The following EIF4G3 variants were observed in gnomAD, a reference collection of about 807,000 sequenced individuals.
The protein encoded by EIF4G3 is eIF-4-gamma 3.
A neutral mutation model predicts 186.4 loss-of-function variants in EIF4G3; 34 were observed. That is an observed-to-expected ratio of 0.18 (90% confidence interval 0.14 to 0.24). EIF4G3 has a LOEUF of 0.24. Ranked by LOEUF, EIF4G3 falls within the 10% of genes least tolerant of loss-of-function variation. EIF4G3 has a pLI of 1.00. For missense variants in EIF4G3, 1,536 were observed against 1,948.5 expected (o/e 0.79, Z 3.99); for synonymous variants, 673 against 679.5 (o/e 0.99, Z 0.15).
intron 34 of EIF4G3, among the ~76,000 whole-genome samples, chr1:20,816,492 TGGG>T (rs1254267366): frequency 1.6e-5 from 1 of 61,202 alleles, no homozygotes; most frequent in African/African-American, 6.3e-5. Context: ...GGGAGGGAGG[TGGG>T]GGGGTCAGCC....
chr1:20,996,038 C>T (rs1379850651), intron 7 of EIF4G3, among the ~76,000 whole-genome samples: 3 of 152,174 alleles, frequency 2.0e-5, no homozygotes, highest in Non-Finnish European at 4.4e-5. Flanking sequence ...TTAAGCCATG[C>T]TTCTATGGCA....
At chr1:21,043,860 A>G (rs1242699719) in intron 4 of EIF4G3, among the ~76,000 whole-genome samples, 3 of 150,164 alleles carry the variant, frequency 2.0e-5, no homozygotes, top group Non-Finnish European at 3.0e-5. Flanking sequence ...GACAGAGTGA[A>G]ACCTTGGCGC....
intron 4 of EIF4G3, among the ~76,000 whole-genome samples, chr1:21,021,171 A>G (rs1276626334): frequency 6.6e-6 from 1 of 152,110 alleles, no homozygotes; most frequent in Non-Finnish European, 1.5e-5. Flanking sequence ...TTTAGTAGAC[A>G]CAGTGTTTTG....
chr1:20,962,747 C>A lies in EIF4G3; in HGVS notation c.714+6727G>T, dbSNP rs148968578. 5.2e-3 allele frequency among the ~76,000 whole-genome samples: 785 copies of A among 152,246 alleles called. 7 individuals are homozygous for A. Among genetic ancestry groups the A allele is most frequent in the African/African-American group, 0.018 (754 of 41,546 alleles). On this transcript the variant is annotated intron_variant, in intron 12 of 36. Coordinates refer to ENST00000602326, the MANE Select transcript of EIF4G3 (RefSeq NM_001391906.1). Reference sequence around the variant, plus strand: ...CAATTTACAGGAGAGATGAACTGCTCATCTGGAGATGATTAGTGTCACAGG... The same window carrying A: ...CAATTTACAGGAGAGATGAACTGCTAATCTGGAGATGATTAGTGTCACAGG...
At position 21,001,183 on chromosome 1, in the gene EIF4G3, T is replaced by C. The variant is rs773026599; in HGVS notation, c.144+16A>G. ...CACCACTGCCTGCAAGAAGTACAGT[T>C]TGTTATATTGCTTACAATGCAGTAT... On this transcript the variant is annotated intron_variant, in intron 6 of 36. Coordinates refer to ENST00000602326, the MANE Select transcript of EIF4G3 (RefSeq NM_001391906.1). 2.3e-5 allele frequency: 11 copies of C among 471,384 alleles called. No homozygotes were observed. The highest frequency in any genetic ancestry group is 7.0e-5 in the Admixed American group (3 of 42,572). The allele number at this position is 471,384 out of a possible 1,614,324, so 29.2% of individuals were successfully genotyped here.
chr1:20,905,790 C>T (rs530516917), intron 14 of EIF4G3, among the ~76,000 whole-genome samples: 4 of 152,036 alleles, frequency 2.6e-5, no homozygotes, highest in Non-Finnish European at 5.9e-5. Context: ...GAGTGAGGTA[C>T]TATAGAAGGA....
At chr1:20,963,484 G>A (rs949503545) in intron 12 of EIF4G3, among the ~76,000 whole-genome samples, 2 of 152,066 alleles carry the variant, frequency 1.3e-5, no homozygotes, top group Non-Finnish European at 2.9e-5. Flanking sequence ...CAAATGGTAG[G>A]AGAGATTGTA....
At chr1:20,997,095 A>T (rs2082455173) in intron 7 of EIF4G3, among the ~76,000 whole-genome samples, 1 of 152,224 alleles carries the variant, frequency 6.6e-6, no homozygotes, top group African/African-American at 2.4e-5. Flanking sequence ...TAATAAAAAT[A>T]ATTCTATCCA....
intron 14 of EIF4G3, among the ~76,000 whole-genome samples, chr1:20,934,759 G>A (rs1444879577): frequency 6.6e-6 from 1 of 152,010 alleles, no homozygotes; most frequent in Non-Finnish European, 1.5e-5. Flanking sequence ...CAAGGGTTTT[G>A]ATAGGTATGT....
At chr1:21,016,224 T>G (rs1353463007) in intron 4 of EIF4G3, among the ~76,000 whole-genome samples, 1 of 152,174 alleles carries the variant, frequency 6.6e-6, no homozygotes, top group Non-Finnish European at 1.5e-5. Context: ...TTAAAATACA[T>G]ATTTATAACT....
intron 11 of EIF4G3, among the ~76,000 whole-genome samples, chr1:20,969,953 T>C (rs1009714614): frequency 1.3e-5 from 2 of 152,048 alleles, no homozygotes; most frequent in African/African-American, 2.4e-5. Flanking sequence ...AGTTACTGCA[T>C]AGATAAAAGT....
At chr1:21,083,656 A>G (rs2095865578) in intron 3 of EIF4G3, among the ~76,000 whole-genome samples, 2 of 152,158 alleles carry the variant, frequency 1.3e-5, no homozygotes, top group African/African-American at 2.4e-5. Flanking sequence ...AGGACTACAA[A>G]TATGACAGTA....
chr1:20,847,674 T>C (rs2071611939), intron 29 of EIF4G3: 7 of 395,010 alleles, frequency 1.8e-5, no homozygotes, highest in Non-Finnish European at 3.1e-5. Flanking sequence ...ATGCTGCCAA[T>C]TTATAAGAAT....
At chr1:21,147,443 C>T (rs983377043) in intron 2 of EIF4G3, among the ~76,000 whole-genome samples, 1 of 151,518 alleles carries the variant, frequency 6.6e-6, no homozygotes, top group African/African-American at 2.4e-5. Context: ...CGGGTTCAAG[C>T]GATTCTCCTG....
intron 20 of EIF4G3, among the ~76,000 whole-genome samples, chr1:20,875,668 C>T (rs767046939): frequency 2.0e-5 from 3 of 152,198 alleles, no homozygotes; most frequent in East Asian, 1.9e-4. Flanking sequence ...AATCCCAGCA[C>T]TCTGGGAAGG....
intron 12 of EIF4G3, among the ~76,000 whole-genome samples, chr1:20,954,257 G>T (rs2096324168): frequency 6.6e-6 from 1 of 151,942 alleles, no homozygotes; most frequent in African/African-American, 2.4e-5. Context: ...CAAAACAAAG[G>T]CCAGGCAAGG....
intron 16 of EIF4G3, among the ~76,000 whole-genome samples, chr1:20,896,448 A>G (rs1032630471): frequency 1.3e-5 from 2 of 149,908 alleles, no homozygotes; most frequent in Non-Finnish European, 1.5e-5. Flanking sequence ...AAAAAAAAAA[A>G]AAAAGAAAAA....
intron 10 of EIF4G3, among the ~76,000 whole-genome samples, chr1:20,974,665 T>C (rs1215050542): frequency 1.3e-5 from 2 of 152,116 alleles, no homozygotes; most frequent in Non-Finnish European, 2.9e-5. Context: ...GACAAAAATA[T>C]GGAATCAGAA....
rs185895050 is a variant in EIF4G3, at chr1:20,965,811, T to G, written c.714+3663A>C. Among the ~76,000 whole-genome samples the G allele has an allele frequency of 1.5e-4, 23 of 152,324 alleles. No homozygotes were observed. In the East Asian group the frequency reaches 4.2e-3, roughly 28 times the overall value. ...TGAATATTCATTGCGCACCAGGCAC[T>G]GAACTTAAACAATTTTTAAGTATTT... is the stretch of plus-strand genomic sequence containing the variant. On this transcript the variant is annotated intron_variant, in intron 12 of 36. Transcript: ENST00000602326.
Sources: allele counts gnomAD v4.1 joint callset (sites outside exome capture counted in the v4.1 genomes callset), GRCh38; gene constraint gnomAD v4.1.1; transcripts MANE v1.5; gene names NCBI Gene and HGNC (gene_info 2026-07-23, HGNC 2026-07-21).